Variants in PCSK5 observed in about 807,000 individuals in gnomAD.
PCSK5 encodes the protein prohormone convertase 5.
A neutral mutation model predicts 233.2 loss-of-function variants in PCSK5; 129 were observed. The ratio of observed to expected loss-of-function variants is 0.55; its 90% CI spans 0.48 to 0.64. The LOEUF is 0.64. Among genes scored for constraint, PCSK5 ranks in the 30% least tolerant of loss-of-function variants. PCSK5 has a pLI of 0.00. For synonymous variants in PCSK5, 825 were observed against 879.2 expected, an observed-to-expected ratio of 0.94 and a Z score of 1.09; for missense variants, 2,076 against 2,430.1, an observed-to-expected ratio of 0.85 and a Z score of 3.06.
chr9:76,356,634 GTTAC>G (rs1481100487), intron 37 of PCSK5, among the ~76,000 whole-genome samples: 1 of 152,138 alleles, frequency 6.6e-6, no homozygotes, highest in Non-Finnish European at 1.5e-5. Flanking sequence ...TGATAGGGCT[GTTAC>G]TTTAGAAGAA....
intron 2 of PCSK5, among the ~76,000 whole-genome samples, chr9:75,939,421 T>G (rs142738739): frequency 0.011 from 1,686 of 152,336 alleles, 23 homozygotes; most frequent in African/African-American, 0.037. Flanking sequence ...AACAATAGTC[T>G]GAGTTCACGT....
At chr9:76,129,580 C>G (rs1318839920) in intron 9 of PCSK5, among the ~76,000 whole-genome samples, 3 of 151,856 alleles carry the variant, frequency 2.0e-5, no homozygotes, top group Admixed American at 2.0e-4. Flanking sequence ...TTTTTTTCTC[C>G]TTAATAAGTG....
At chr9:76,013,595 GTCTT>G (rs1004140746) in intron 3 of PCSK5, among the ~76,000 whole-genome samples, 16 of 152,204 alleles carry the variant, frequency 1.1e-4, no homozygotes, top group African/African-American at 3.9e-4. Flanking sequence ...CTATTTATTT[GTCTT>G]TCTTTCCGTC....
intron 12 of PCSK5, among the ~76,000 whole-genome samples, chr9:76,164,736 C>T (rs1475768354): frequency 1.3e-5 from 2 of 152,138 alleles, no homozygotes; most frequent in African/African-American, 4.8e-5. Flanking sequence ...CATCAAAAGA[C>T]TTGGGAGCAG....
intron 2 of PCSK5, among the ~76,000 whole-genome samples, chr9:75,965,627 G>A (rs942245778): frequency 2.6e-5 from 4 of 152,164 alleles, no homozygotes; most frequent in African/African-American, 7.2e-5. Context: ...CCACCAATTC[G>A]ATGCTGATCC....
chr9:76,000,896 T>C (rs1310035902), intron 3 of PCSK5, among the ~76,000 whole-genome samples: 3 of 151,982 alleles, frequency 2.0e-5, no homozygotes, highest in Non-Finnish European at 4.4e-5. Flanking sequence ...GAATCAACCT[T>C]TTCTCTGAGA....
intron 11 of PCSK5, among the ~76,000 whole-genome samples, chr9:76,158,296 G>T (rs764484577): frequency 1.3e-5 from 2 of 152,182 alleles, no homozygotes; most frequent in African/African-American, 2.4e-5. Flanking sequence ...CTTTGACCTT[G>T]AAGGAAGAAG....
intron 5 of PCSK5, among the ~76,000 whole-genome samples, chr9:76,051,062 A>G (rs1829612625): frequency 6.6e-6 from 1 of 152,128 alleles, no homozygotes; most frequent in South Asian, 2.1e-4. Context: ...GCCACACTCC[A>G]TTTCTAGGGG....
intron 7 of PCSK5, among the ~76,000 whole-genome samples, chr9:76,077,732 G>A (rs578005358): frequency 1.3e-5 from 2 of 152,298 alleles, no homozygotes; most frequent in South Asian, 4.1e-4. Context: ...CAAAGGACAT[G>A]GTTTTATTCT....
rs1454271793 is a variant in PCSK5 at position 76,338,396 on chromosome 9, CA to C, written c.4918del (p.Ser1640AlafsTer21). The C allele has an allele frequency of 6.2e-7, 1 of 1,612,584 alleles. No homozygotes were observed. Among genetic ancestry groups the C allele is most frequent in the Non-Finnish European group, 8.5e-7 (1 of 1,179,784 alleles). On this transcript the variant is annotated frameshift_variant, in exon 35 of 38. Transcript: ENST00000674117. LOFTEE classifies it high-confidence loss of function. ...CTGCCCAGACCATTACTATGTAGAG[CA>C]AAGCACACAGACCTGTGAGAGATGC... The part of the protein sequence containing the change: ...RSCPDHYYVE[Q>X]STQTCERCHP...
chr9:75,980,667 T>A lies in PCSK5; in HGVS notation c.298-5465T>A, dbSNP rs573720774. 3.3e-5 allele frequency among the ~76,000 whole-genome samples: 5 copies of A among 152,234 alleles called. No homozygotes were observed. The East Asian group carries it at 9.6e-4, about 29-fold the overall frequency. On this transcript the variant is annotated intron_variant, in intron 2 of 37. Coordinates refer to ENST00000674117, the MANE Select transcript of PCSK5 (RefSeq NM_001372043.1). ...AATGCCAATATTTAAAAACTCCTCA[T>A]TAATGATAAGTTGCTAGATGGAACA...
chr9:75,923,615 G>A (rs1823350102), intron 1 of PCSK5, among the ~76,000 whole-genome samples: 1 of 152,130 alleles, frequency 6.6e-6, no homozygotes, highest in African/African-American at 2.4e-5. Context: ...TTTCTTTTGG[G>A]TGTCTCCTGA....
intron 27 of PCSK5, among the ~76,000 whole-genome samples, chr9:76,298,831 C>T (rs931727065): frequency 3.0e-4 from 45 of 152,126 alleles, no homozygotes; most frequent in African/African-American, 8.9e-4. Context: ...GGTACCAGAA[C>T]GTTTTTCTGT....
chr9:76,332,640 A>C, intron 34 of PCSK5, 30 bp downstream of exon 34: 1 of 1,468,286 alleles, frequency 6.8e-7, no homozygotes. Context: ...TCCCCCATGT[A>C]ATTTCACAGC....
At chr9:76,026,041 A>G (rs1050349652) in intron 4 of PCSK5, among the ~76,000 whole-genome samples, 5 of 152,164 alleles carry the variant, frequency 3.3e-5, no homozygotes, top group Admixed American at 2.0e-4. Context: ...GATACAGGGT[A>G]TAGTGAGCCA....
Position 76,258,764 on chromosome 9 carries a change from A to G in PCSK5, c.3142+18080A>G, listed in dbSNP as rs530789777. The stretch of plus-strand genomic sequence containing the variant: ...CAACTGGAAAGTTTTACAAATGGGA[A>G]GTTTGACCTACTGAGATTTTAAAGA... On this transcript the variant is annotated intron_variant, in intron 24 of 37. Transcript: ENST00000674117. 2.5e-4 allele frequency among the ~76,000 whole-genome samples: 38 copies of G among 152,376 alleles called. No homozygotes were observed. In the South Asian group the frequency reaches 3.9e-3, roughly 16 times the overall value.
intron 20 of PCSK5, among the ~76,000 whole-genome samples, chr9:76,208,783 T>C (rs879886429): frequency 7.9e-5 from 12 of 152,180 alleles, no homozygotes; most frequent in Non-Finnish European, 1.2e-4. Context: ...CATGCGGTAT[T>C]TTTTTTCCAA....
At chr9:76,258,956 A>G (rs1827070729) in intron 24 of PCSK5, among the ~76,000 whole-genome samples, 2 of 152,180 alleles carry the variant, frequency 1.3e-5, no homozygotes, top group Non-Finnish European at 2.9e-5. Flanking sequence ...CATGTGCCCA[A>G]ATGTGCATTA....
intron 9 of PCSK5, among the ~76,000 whole-genome samples, chr9:76,129,716 A>ATT (rs10663675): frequency 0.48 from 72,883 of 151,436 alleles, 17,803 homozygotes; most frequent in Non-Finnish European, 0.51. Flanking sequence ...TTGGTGAAGG[A>ATT]TTTTTTTCTT....
Sources: allele counts gnomAD v4.1 joint callset (sites outside exome capture counted in the v4.1 genomes callset), GRCh38; gene constraint gnomAD v4.1.1; transcripts MANE v1.5; gene names NCBI Gene and HGNC (gene_info 2026-07-23, HGNC 2026-07-21).